The following SAMM50 variants were observed in gnomAD, a reference collection of about 807,000 sequenced individuals.
SAMM50 encodes the protein sorting and assembly machinery component 50 homolog.
Under a neutral mutation model 66.9 loss-of-function variants are expected in SAMM50, and 47 were observed. That is an observed-to-expected ratio of 0.70 (90% CI 0.56 to 0.90). SAMM50 has a LOEUF of 0.90. Ranked by LOEUF, SAMM50 falls within the 40% of genes least tolerant of loss-of-function variation. The probability of loss-of-function intolerance (pLI) is 0.00; values close to 1 mark genes in which losing one functional copy is unlikely to be tolerated. For synonymous variants in SAMM50, 191 were observed against 214.1 expected (o/e 0.89, Z 0.94); for missense variants, 535 against 595.3 (o/e 0.90, Z 1.05).
chr22:43,976,129 G>A lies in SAMM50; in HGVS notation c.723G>A (p.Thr241=), dbSNP rs766140123. 1.8e-5 allele frequency: 29 copies of A among 1,611,038 alleles called. No homozygotes were observed. Among genetic ancestry groups the A allele is most frequent in the Middle Eastern group, 1.6e-4 (1 of 6,070 alleles). Residue 241 remains threonine, a synonymous_variant, in exon 8 of 15, where the codon ACG becomes ACA. Coordinates refer to ENST00000350028, the MANE Select transcript of SAMM50 (RefSeq NM_015380.5). ...VWRELGCLSR[T]ASFAVRKESG... ...GAGAACTGGGCTGCCTCTCAAGGAC[G>A]GCGTCATTTGCTGTTCGAAAAGAAA...
In SAMM50 at chr22:43,996,233, G is replaced by A. The variant is rs1603420877; in HGVS notation, c.1365-105G>A. On this transcript the variant is annotated intron_variant, in intron 14 of 14. Transcript: ENST00000350028. ...CCAGGCAGGAAGGCAGCAGGAGGAG[G>A]AGGAAGCGGAGGCGGCACCTTCTGA... 6.6e-6 allele frequency: 8 copies of A among 1,216,986 alleles called. No homozygotes were observed. In the East Asian group the frequency reaches 1.6e-4, roughly 25 times the overall value. The allele number at this position is 1,216,986 out of a possible 1,614,324, so 75.4% of individuals were successfully genotyped here.
chr22:43,968,263 GA>G (rs1335519104), intron 3 of SAMM50, among the ~76,000 whole-genome samples: 3 of 124,584 alleles, frequency 2.4e-5, no homozygotes, highest in Admixed American at 1.6e-4. Context: ...AAGAAAAAAA[GA>G]AAAAAAAAGA....
intron 3 of SAMM50, among the ~76,000 whole-genome samples, chr22:43,968,226 CAAAAAAAAAAAAAAAA>C (rs66961907): frequency 4.4e-5 from 3 of 68,650 alleles, no homozygotes; most frequent in South Asian, 5.8e-4. Context: ...AACTCTGTCT[CAAAAAAAAAAAAAAAA>C]AAAAAGAAAA....
chr22:43,980,365 A>G (rs567570461), intron 10 of SAMM50, among the ~76,000 whole-genome samples: 20 of 150,256 alleles, frequency 1.3e-4, no homozygotes, highest in African/African-American at 4.7e-4. Context: ...TTGTGAAGAA[A>G]AATAAAGCAG....
At chr22:43,986,415 G>C (rs909438639) in intron 12 of SAMM50, 2 of 152,088 alleles carry the variant, frequency 1.3e-5, no homozygotes, top group African/African-American at 4.8e-5. Context: ...TTCTGGGAAG[G>C]TTGTCTCATT....
chr22:43,973,253 A>C lies in SAMM50; in HGVS notation c.578A>C (p.Tyr193Ser). The change falls in exon 7 of 15, where the codon TAT (tyrosine) becomes TCT (serine). Residue 193 changes from tyrosine to serine, a missense_variant. By Grantham distance (144) the Tyr-to-Ser change is moderately radical (BLOSUM62 -2). Transcript: ENST00000350028. ...TCTCCTAGTTTCTCTGTAAACTTAT[A>C]TAAAGTTACTGGACAGTTCCCTTGG... ...NFERNFSVNL[Y>S]KVTGQFPWSS... 1 of 1,602,110 alleles carries C rather than the reference A, an allele frequency of 6.2e-7. No individual in the cohort carries two copies. Among genetic ancestry groups the C allele is most frequent in the Non-Finnish European group, 8.6e-7 (1 of 1,169,040 alleles).
intron 11 of SAMM50, 31 bp downstream of exon 11, chr22:43,981,492 C>T: frequency 6.9e-7 from 1 of 1,453,910 alleles, no homozygotes; most frequent in Non-Finnish European, 9.7e-7. Context: ...GGATAATTTG[C>T]ACATATTTTC....
At chr22:43,962,014 G>T (rs56219234) in intron 1 of SAMM50, among the ~76,000 whole-genome samples, 52,392 of 151,796 alleles carry the variant, frequency 0.35, 9,312 homozygotes, top group East Asian at 0.49. Flanking sequence ...GTGTGTGTGT[G>T]TATGTGATAT....
chr22:43,986,500 C>A (rs947195230), intron 12 of SAMM50: 4 of 152,188 alleles, frequency 2.6e-5, no homozygotes, highest in African/African-American at 9.6e-5. Context: ...TTTAAAACAT[C>A]ATTTAAGTGG....
At chr22:43,995,569 T>C (rs1008828506) in intron 14 of SAMM50, 2 of 152,570 alleles carry the variant, frequency 1.3e-5, no homozygotes, top group East Asian at 1.9e-4. Flanking sequence ...CGGACAGAGC[T>C]GCTGCAGGCA....
At chr22:43,990,892 T>G (rs2050320988) in intron 14 of SAMM50, among the ~76,000 whole-genome samples, 1 of 152,206 alleles carries the variant, frequency 6.6e-6, no homozygotes, top group Non-Finnish European at 1.5e-5. Context: ...TGAGGAAAGA[T>G]TCCCTAAATG....
Position 43,976,152 on chromosome 22 carries a change from A to G in SAMM50, c.746A>G (p.Glu249Gly). The change falls in exon 8 of 15, where the codon GAA (glutamate) becomes GGA (glycine). Residue 249 changes from glutamate to glycine, a missense_variant. Physicochemically the swap from Glu to Gly is moderately conservative, Grantham distance 98 (BLOSUM62 -2). Transcript: ENST00000350028. ...SRTASFAVRKESGHSLKSSLS... is the reference protein window; with the variant it reads ...SRTASFAVRKGSGHSLKSSLS... ...ACGGCGTCATTTGCTGTTCGAAAAGAAAGCGGACATTCACTGAAATCATCT... is the reference window on the plus strand; with the variant it reads ...ACGGCGTCATTTGCTGTTCGAAAAGGAAGCGGACATTCACTGAAATCATCT... 2 of 1,608,246 alleles carry G rather than the reference A, an allele frequency of 1.2e-6. No individual in the cohort carries two copies. The highest frequency in any genetic ancestry group is 1.7e-4 in the Middle Eastern group (1 of 6,044).
chr22:43,995,413 G>C (rs1363795385), intron 14 of SAMM50: 5 of 152,262 alleles, frequency 3.3e-5, no homozygotes, highest in African/African-American at 1.2e-4. Flanking sequence ...ATTGCCCACA[G>C]CTTGCAAAAA....
chr22:43,955,946 C>T (rs2050117057), intron 1 of SAMM50, among the ~76,000 whole-genome samples: 1 of 152,228 alleles, frequency 6.6e-6, no homozygotes, highest in Non-Finnish European at 1.5e-5. Flanking sequence ...TCCAGCCTTT[C>T]CCCGCTCAGC....
rs770152728 is a variant in SAMM50, at chr22:43,972,829, T to C, written c.430-42T>C. The C allele has an allele frequency of 5.1e-6, 8 of 1,563,462 alleles. No homozygotes were observed. The South Asian group carries it at 9.7e-5, about 19-fold the overall frequency. On this transcript the variant is annotated intron_variant, in intron 5 of 14. Transcript: ENST00000350028. ...TTATCCAATCCAAAGTTCTCATTCC[T>C]TCAATGTAGACCACTGCTATTTTTT...
At chr22:43,964,579 C>T (rs771386597) in intron 3 of SAMM50, 26 bp downstream of exon 3, 1 of 1,210,824 alleles carries the variant, frequency 8.3e-7, no homozygotes, top group Non-Finnish European at 1.2e-6. Flanking sequence ...ACATGGTGTG[C>T]TTTCCCAGTC....
At chr22:43,965,845 T>C (rs1386986492) in intron 3 of SAMM50, among the ~76,000 whole-genome samples, 1 of 152,124 alleles carries the variant, frequency 6.6e-6, no homozygotes, top group African/African-American at 2.4e-5. Context: ...AATTTTTTTT[T>C]CTGAGATAGG....
chr22:43,982,430 A>G (rs1002884457), intron 11 of SAMM50, among the ~76,000 whole-genome samples: 1 of 152,182 alleles, frequency 6.6e-6, no homozygotes, highest in Non-Finnish European at 1.5e-5. Context: ...ATAAGTTAAC[A>G]TTTTGCACAT....
At chr22:43,988,961 T>C in intron 12 of SAMM50, 150 bp from the exon 13 acceptor site, 1 of 625,714 alleles carries the variant, frequency 1.6e-6, no homozygotes, top group Non-Finnish European at 2.7e-6. Context: ...GCCATCAGTA[T>C]CAGGAATGAG....
Sources: allele counts gnomAD v4.1 joint callset (sites outside exome capture counted in the v4.1 genomes callset), GRCh38; gene constraint gnomAD v4.1.1; transcripts MANE v1.5; gene names NCBI Gene and HGNC (gene_info 2026-07-23, HGNC 2026-07-21).